Variants in BCCIP observed in about 807,000 individuals in gnomAD.
BCCIP encodes BRCA2 and CDKN1A-interacting protein.
A neutral mutation model predicts 32.8 loss-of-function variants in BCCIP; 23 were observed. The ratio of observed to expected loss-of-function variants is 0.70; its 90% CI spans 0.51 to 0.99. BCCIP has a LOEUF of 0.99. BCCIP is among the 50% of genes least tolerant of loss of function. The pLI is 0.00. For synonymous variants in BCCIP, 144 were observed against 137.6 expected, an observed-to-expected ratio of 1.05 and a Z score of -0.33; for missense variants, 378 against 379.8, an observed-to-expected ratio of 1.00 and a Z score of 0.04.
At chr10:125,852,463 C>G (rs778997306) in intron 7 of BCCIP, 3 of 1,613,558 alleles carry the variant, frequency 1.9e-6, no homozygotes, top group Non-Finnish European at 8.5e-7. Flanking sequence ...TAAAAGACAC[C>G]AAGAAAAATG....
downstream of BCCIP, chr10:125,838,376 A>T: frequency 1.9e-6 from 3 of 1,576,508 alleles, no homozygotes; most frequent in Non-Finnish European, 1.7e-6. Flanking sequence ...ATCCATCAAC[A>T]TCCCGAGCAA....
At chr10:125,837,157 A>G (rs1189688786), downstream of BCCIP, among the ~76,000 whole-genome samples, 1 of 152,182 alleles carries the variant, frequency 6.6e-6, no homozygotes, top group Non-Finnish European at 1.5e-5. Context: ...ATCACCATAT[A>G]AGAGGCACCA....
intron 5 of BCCIP, 51 bp from the exon 6 acceptor site, chr10:125,833,721 G>A: frequency 6.3e-7 from 1 of 1,599,576 alleles, no homozygotes; most frequent in Admixed American, 1.7e-5. Flanking sequence ...GTTTGTTGAT[G>A]GATTTCACTT....
intron 7 of BCCIP, among the ~76,000 whole-genome samples, chr10:125,850,435 G>A (rs144370671): frequency 0.018 from 2,556 of 141,234 alleles, 83 homozygotes; most frequent in African/African-American, 0.064. Context: ...TTGGTTCACC[G>A]CAACCTCCAC....
chr10:125,845,010 G>A (rs181725545), downstream of BCCIP, among the ~76,000 whole-genome samples: 1 of 152,282 alleles, frequency 6.6e-6, no homozygotes, highest in East Asian at 1.9e-4. Context: ...GCTCCAATAT[G>A]TGCCTGCATT....
chr10:125,837,863 C>T (rs1854745056), downstream of BCCIP, among the ~76,000 whole-genome samples: 1 of 152,222 alleles, frequency 6.6e-6, no homozygotes, highest in African/African-American at 2.4e-5. Flanking sequence ...CTTCCTCTTC[C>T]CCGACAGCTC....
chr10:125,826,706 AGAAAAATCAGG>A, intron 2 of BCCIP, 41 bp downstream of exon 2: 1 of 1,606,816 alleles, frequency 6.2e-7, no homozygotes, highest in African/African-American at 1.3e-5. Context: ...TCCTCTTCTA[AGAAAAATCAGG>A]GGCCGGGTGC....
chr10:125,832,881 G>A (rs1216483286), intron 5 of BCCIP, among the ~76,000 whole-genome samples: 1 of 149,994 alleles, frequency 6.7e-6, no homozygotes, highest in East Asian at 2.0e-4. Flanking sequence ...TTGGGAGGCC[G>A]AAGCTGGCAG....
At chr10:125,835,337 T>G (rs1854642059) in intron 6 of BCCIP, among the ~76,000 whole-genome samples, 1 of 152,010 alleles carries the variant, frequency 6.6e-6, no homozygotes, top group Non-Finnish European at 1.5e-5. Context: ...TCCCAGCACT[T>G]TGGGAGGCCA....
At chr10:125,841,993 G>T (rs1854894958) in exon 7 of BCCIP, 1 of 1,474,078 alleles carries the variant, frequency 6.8e-7, no homozygotes, top group South Asian at 1.5e-5. Flanking sequence ...GGAGAAACAG[G>T]TACTGGACTT....
intron 5 of BCCIP, among the ~76,000 whole-genome samples, chr10:125,832,933 G>T (rs921021491): frequency 1.3e-5 from 2 of 151,180 alleles, no homozygotes; most frequent in African/African-American, 4.9e-5. Context: ...TGGCCAACAT[G>T]GCGAAACCCC....
At chr10:125,834,015 A>C (rs781221360) in intron 6 of BCCIP, 69 bp downstream of exon 6, 8 of 1,529,000 alleles carry the variant, frequency 5.2e-6, no homozygotes, top group Middle Eastern at 4.1e-4. Context: ...ATCAAGATTT[A>C]TTGTTCTCCC....
Position 125,831,446 on chromosome 10 carries a change from A to G in BCCIP, c.438A>G (p.Gln146=), listed in dbSNP as rs1854519636. 3 of 1,614,060 alleles carry G rather than the reference A, an allele frequency of 1.9e-6. No individual in the cohort carries two copies. The highest frequency in any genetic ancestry group is 2.5e-6 in the Non-Finnish European group (3 of 1,179,956). Residue 146 remains glutamine, a synonymous_variant, in exon 5 of 7, where the codon CAA becomes CAG. Transcript: ENST00000278100. ...GTACCCAGTGTGTTGAACAAATTCA[A>G]GAGTTGGTTCTACGCTTCTGTGAGA... is the stretch of plus-strand genomic sequence containing the variant. ...RKGTQCVEQI[Q]ELVLRFCEKN...
At chr10:125,838,189 T>C (rs767755416), downstream of BCCIP, 33 of 1,556,274 alleles carry the variant, frequency 2.1e-5, no homozygotes, top group Non-Finnish European at 4.3e-6. Context: ...CAACCCTTTC[T>C]TCTCCATTAA....
chr10:125,823,761 G>A (rs1328837051), intron 1 of BCCIP, 39 bp downstream of exon 1: 2 of 1,606,716 alleles, frequency 1.2e-6, no homozygotes, highest in East Asian at 2.2e-5. Context: ...TTATACCTGA[G>A]AAAAACTTTT....
At position 125,830,611 on chromosome 10, in the gene BCCIP, T is replaced by C; in HGVS notation, c.371T>C (p.Val124Ala). 1.2e-6 allele frequency: 2 copies of C among 1,604,828 alleles called. No homozygotes were observed. Among genetic ancestry groups the C allele is most frequent in the Non-Finnish European group, 1.7e-6 (2 of 1,174,366 alleles). Residue 124 changes from valine (V) to alanine (A), a missense_variant, in exon 4 of 7, where the codon GTT (valine) becomes GCT (alanine). Physicochemically the swap from Val to Ala is moderately conservative, Grantham distance 64 (BLOSUM62 0). Transcript: ENST00000278100. Reference protein sequence around the residue: ...DSNDDMDEDEVFGFISLLNLT... With the variant: ...DSNDDMDEDEAFGFISLLNLT... ...AATGATGATATGGATGAAGATGAGG[T>C]TTTTGGTTTCATAAGCCTTTTAAAT...
downstream of BCCIP, chr10:125,839,282 TCTC>T (rs1287275974): frequency 3.1e-5 from 41 of 1,309,832 alleles, no homozygotes; most frequent in African/African-American, 4.4e-4. Context: ...AGCCCTGTGC[TCTC>T]CTCTCCTACA....
At chr10:125,842,354 C>G (rs562731569) in exon 7 of BCCIP, 1 of 165,082 alleles carries the variant, frequency 6.1e-6, no homozygotes, top group African/African-American at 2.4e-5. Context: ...TACTGATCAG[C>G]GCATGTGTGT....
intron 3 of BCCIP, among the ~76,000 whole-genome samples, chr10:125,828,534 G>C (rs1295141235): frequency 6.6e-6 from 1 of 152,178 alleles, no homozygotes; most frequent in African/African-American, 2.4e-5. Context: ...ATAGTGCAGT[G>C]ATGTCATACA....
Sources: gnomAD v4.1 joint callset for allele counts (sites outside exome capture counted in the v4.1 genomes callset) on GRCh38, gnomAD v4.1.1 for gene constraint, MANE v1.5 for transcripts, NCBI Gene and HGNC (gene_info 2026-07-23, HGNC 2026-07-21) for gene names.